Variants in SFMBT1 observed in about 807,000 individuals in gnomAD.
The protein encoded by SFMBT1 is Scm like with four mbt domains 1.
SFMBT1 carries 32 observed loss-of-function variants against 108.7 expected under a neutral mutation model. That is an observed-to-expected ratio of 0.29 (90% CI 0.22 to 0.40). SFMBT1 has a LOEUF of 0.40. Among genes scored for constraint, SFMBT1 ranks in the 10% least tolerant of loss-of-function variants. SFMBT1 has a pLI of 1.00. For synonymous variants in SFMBT1, 348 were observed against 369.5 expected (o/e 0.94, Z 0.67); for missense variants, 816 against 1,059.6 (o/e 0.77, Z 3.19).
intron 1 of SFMBT1, among the ~76,000 whole-genome samples, chr3:52,971,244 T>TA (rs1704333308): frequency 6.6e-6 from 1 of 152,260 alleles, no homozygotes; most frequent in South Asian, 2.1e-4. Context: ...GTCCATTTTT[T>TA]ATCTATAAAA....
chr3:52,943,327 C>A (rs994513341), intron 4 of SFMBT1, 26 bp downstream of exon 4: 1 of 1,613,674 alleles, frequency 6.2e-7, no homozygotes, highest in African/African-American at 1.3e-5. Flanking sequence ...AATCACGTCA[C>A]GTCTTGATAG....
intron 1 of SFMBT1, among the ~76,000 whole-genome samples, chr3:53,004,071 A>G (rs1698652768): frequency 6.7e-6 from 1 of 149,974 alleles, no homozygotes; most frequent in African/African-American, 2.4e-5. Context: ...ACTCAAAAAG[A>G]AGGAATTTCA....
Position 52,904,993 on chromosome 3 carries a change from C to T in SFMBT1, c.*143G>A. 1.8e-6 allele frequency: 2 copies of T among 1,129,914 alleles called. No individual in the cohort carries two copies. Among genetic ancestry groups the T allele is most frequent in the Non-Finnish European group, 2.4e-6 (2 of 822,048 alleles). The allele number at this position is 1,129,914 out of a possible 1,614,324, so 70.0% of individuals were successfully genotyped here. A position where few individuals can be genotyped will look rare whatever the true frequency, so the allele number is the denominator to read the frequency against. On this transcript the variant is annotated 3_prime_UTR_variant, in exon 21 of 21. Coordinates refer to ENST00000394752, the MANE Select transcript of SFMBT1 (RefSeq NM_016329.4). ...AGTTTTTGCTTCCTCACTGTGAGTC[C>T]TCCTTCCCCGAAAGTGCAAAGAGAG...
chr3:52,936,040 A>T (rs1480708803), intron 4 of SFMBT1, among the ~76,000 whole-genome samples: 1 of 152,196 alleles, frequency 6.6e-6, no homozygotes, highest in Admixed American at 6.5e-5. Flanking sequence ...CGGGGTGGTG[A>T]GGGTGAAAGA....
chr3:52,998,362 A>C (rs953855826), intron 1 of SFMBT1, among the ~76,000 whole-genome samples: 2 of 150,338 alleles, frequency 1.3e-5, no homozygotes, highest in African/African-American at 4.8e-5. Context: ...ACTGCACTCT[A>C]GCCTGGGTGA....
intron 1 of SFMBT1, among the ~76,000 whole-genome samples, chr3:53,010,720 G>A (rs1465466876): frequency 6.6e-6 from 1 of 152,160 alleles, no homozygotes; most frequent in African/African-American, 2.4e-5. Flanking sequence ...AAACATCTCT[G>A]TATATATAGA....
chr3:53,039,625 T>C (rs1202466197), intron 1 of SFMBT1, among the ~76,000 whole-genome samples: 4 of 152,188 alleles, frequency 2.6e-5, no homozygotes, highest in Non-Finnish European at 5.9e-5. Flanking sequence ...ATTCATGCTA[T>C]ATGTATATAA....
chr3:52,951,291 C>G lies in SFMBT1; in HGVS notation c.123+3026G>C, dbSNP rs186774329. Among the ~76,000 whole-genome samples, 236 of 150,240 alleles carry G rather than the reference C, an allele frequency of 1.6e-3. 1 individual carries two copies. Among genetic ancestry groups the G allele is most frequent in the African/African-American group, 5.5e-3 (225 of 40,796 alleles). On this transcript the variant is annotated intron_variant, in intron 3 of 20. Transcript: ENST00000394752. ...AGTTAAGGCATTTAAAGCAAAAAGC[C>G]ACTAATTTAGAGCTGTGTATCAAGC...
rs1420818886 is a variant in SFMBT1 at position 52,943,535 on chromosome 3, C to T, written c.182G>A (p.Arg61Lys). ...AACCCAGTAGGTCTCAGGATCTGTT[C>T]TCACAGCCACCTCCAGCTTCATCCC... Reference protein sequence around the residue: ...APGMKLEVAVRTDPETYWVAT... With the variant: ...APGMKLEVAVKTDPETYWVAT... The change falls in exon 4 of 21, where the codon AGA becomes AAA. Residue 61 changes from arginine to lysine, a missense_variant. Physicochemically the swap from Arg to Lys is conservative, Grantham distance 26. Around this residue, in one of 5 missense-constraint regions of SFMBT1, gnomAD observed 495 missense variants for 607.4 expected, o/e 0.81. Transcript: ENST00000394752. 2 of 1,614,186 alleles carry T rather than the reference C, an allele frequency of 1.2e-6. No individual in the cohort carries two copies. The highest frequency in any genetic ancestry group is 1.7e-6 in the Non-Finnish European group (2 of 1,180,008).
intron 3 of SFMBT1, among the ~76,000 whole-genome samples, chr3:52,944,701 A>G (rs943877181): frequency 1.3e-5 from 2 of 151,998 alleles, no homozygotes; most frequent in African/African-American, 4.8e-5. Context: ...TTGTATTTTT[A>G]GTAGAGATGG....
intron 3 of SFMBT1, among the ~76,000 whole-genome samples, chr3:52,949,822 A>G (rs919201418): frequency 6.6e-6 from 1 of 151,198 alleles, no homozygotes; most frequent in Non-Finnish European, 1.5e-5. Context: ...CAAATGATGC[A>G]CTCATCTCGG....
chr3:52,974,981 G>C (rs1036724856), intron 1 of SFMBT1, among the ~76,000 whole-genome samples: 9 of 151,728 alleles, frequency 5.9e-5, no homozygotes, highest in African/African-American at 2.2e-4. Context: ...CTCCAGCCTG[G>C]GTGACAGGGC....
At chr3:53,000,845 A>AT (rs1160770082) in intron 1 of SFMBT1, among the ~76,000 whole-genome samples, 5 of 150,262 alleles carry the variant, frequency 3.3e-5, no homozygotes, top group Non-Finnish European at 4.5e-5. Flanking sequence ...AATTACAAAA[A>AT]TTTTTTAATG....
intron 1 of SFMBT1, among the ~76,000 whole-genome samples, chr3:53,020,330 C>T (rs981454827): frequency 6.6e-6 from 1 of 151,986 alleles, no homozygotes; most frequent in Non-Finnish European, 1.5e-5. Flanking sequence ...GCGGAGGTTG[C>T]AGCGAGCCAA....
intron 1 of SFMBT1, among the ~76,000 whole-genome samples, chr3:53,007,328 G>A (rs56129941): frequency 2.0e-5 from 3 of 152,000 alleles, no homozygotes; most frequent in Admixed American, 6.5e-5. Flanking sequence ...CACCTTCACC[G>A]TTGTATCAAA....
rs1702203914 is a variant in SFMBT1, at chr3:52,911,080, C to T, written c.1829G>A (p.Cys610Tyr). Residue 610 changes from cysteine (C) to tyrosine (Y), a missense_variant, in exon 17 of 21, where the codon TGT (cysteine) becomes TAT (tyrosine). Transcript: ENST00000394752. ...CRQTCIKLECCPNLFGPRMVL... is the reference protein window; with the variant it reads ...CRQTCIKLECYPNLFGPRMVL... ...CATCCGTGGACCGAAGAGGTTAGGACAGCATTCCAGTTTGATACAGGTTTG... is the reference window on the plus strand; with the variant it reads ...CATCCGTGGACCGAAGAGGTTAGGATAGCATTCCAGTTTGATACAGGTTTG... The T allele has an allele frequency of 1.2e-6, 2 of 1,614,178 alleles. No homozygotes were observed. The highest frequency in any genetic ancestry group is 1.7e-6 in the Non-Finnish European group (2 of 1,180,030).
intron 1 of SFMBT1, among the ~76,000 whole-genome samples, chr3:53,002,401 T>TAAAAA (rs36044342): frequency 2.2e-4 from 23 of 106,148 alleles, no homozygotes; most frequent in Admixed American, 5.0e-4. Flanking sequence ...TCCGTCTCAA[T>TAAAAA]AAAAAAAAAA....
At chr3:53,005,452 A>G (rs1338570115) in intron 1 of SFMBT1, among the ~76,000 whole-genome samples, 1 of 152,176 alleles carries the variant, frequency 6.6e-6, no homozygotes, top group Non-Finnish European at 1.5e-5. Flanking sequence ...AGCTAGGACT[A>G]CAGGTGCATG....
intron 15 of SFMBT1, among the ~76,000 whole-genome samples, chr3:52,913,080 C>T (rs1212628206): frequency 6.6e-6 from 1 of 152,224 alleles, no homozygotes; most frequent in African/African-American, 2.4e-5. Flanking sequence ...GGTCTCTTAT[C>T]TGTTACTTGC....
Sources: gnomAD v4.1 joint callset for allele counts (sites outside exome capture counted in the v4.1 genomes callset) on GRCh38, gnomAD v4.1.1 for gene constraint, gnomAD v4.1.1 regional missense constraint, MANE v1.5 for transcripts, NCBI Gene and HGNC (gene_info 2026-07-23, HGNC 2026-07-21) for gene names.